TTI1: variants seen among roughly 807,000 people sequenced by gnomAD.
TTI1 encodes TELO2 interacting protein 1, also known as TELO2-interacting protein 1 homolog.
A neutral mutation model predicts 85.4 loss-of-function variants in TTI1; 52 were observed. The ratio of observed to expected loss-of-function variants is 0.61; its 90% CI spans 0.49 to 0.77. The LOEUF (loss-of-function observed/expected upper bound fraction) is 0.77, where lower values mean the gene tolerates loss of function less well. TTI1 is among the 30% of genes least tolerant of loss of function. TTI1 has a pLI of 0.00. For synonymous variants in TTI1, 512 were observed against 503.9 expected, an observed-to-expected ratio of 1.02 and a Z score of -0.22; for missense variants, 1,173 against 1,296.0, an observed-to-expected ratio of 0.91 and a Z score of 1.46.
chr20:38,027,015 T>TC (rs2073845000), intron 1 of TTI1, among the ~76,000 whole-genome samples: 1 of 152,206 alleles, frequency 6.6e-6, no homozygotes, highest in African/African-American at 2.4e-5. Flanking sequence ...TACAAAGAGA[T>TC]ATACTCAGAA....
chr20:38,020,323 A>AAAAAATATATATATAT, intron 1 of TTI1, among the ~76,000 whole-genome samples: 38 of 50,364 alleles, frequency 7.5e-4, no homozygotes, highest in East Asian at 1.1e-3. Flanking sequence ...AAAAAAAAAA[A>AAAAAATATATATATAT]ATATATATAT....
intron 2 of TTI1, 91 bp from the exon 3 acceptor site, chr20:38,006,488 AC>A (rs2073502061): frequency 7.2e-7 from 1 of 1,394,754 alleles, no homozygotes; most frequent in South Asian, 1.2e-5. Context: ...CCTGGCCTGC[AC>A]AGCCCCCACA....
chr20:38,021,391 A>G (rs1271113901), intron 1 of TTI1, among the ~76,000 whole-genome samples: 1 of 152,204 alleles, frequency 6.6e-6, no homozygotes, highest in Non-Finnish European at 1.5e-5. Flanking sequence ...GAGCCTTAGG[A>G]ATCCTACATT....
At chr20:38,010,469 T>TTC (rs1419012406) in intron 2 of TTI1, among the ~76,000 whole-genome samples, 4 of 137,476 alleles carry the variant, frequency 2.9e-5, no homozygotes, top group Non-Finnish European at 4.7e-5. Flanking sequence ...TGCCATTCCT[T>TTC]TTTTTTTTTT....
At chr20:38,018,328 G>A (rs2073713837) in intron 1 of TTI1, among the ~76,000 whole-genome samples, 2 of 152,100 alleles carry the variant, frequency 1.3e-5, no homozygotes, top group South Asian at 4.1e-4. Context: ...GAGAACTACA[G>A]TATCTATAAT....
At chr20:38,019,299 T>C (rs1428315139) in intron 1 of TTI1, among the ~76,000 whole-genome samples, 1 of 151,166 alleles carries the variant, frequency 6.6e-6, no homozygotes, top group Non-Finnish European at 1.5e-5. Context: ...ATGAAGAAAA[T>C]GAAATAGGTA....
chr20:37,991,295 A>C (rs2073260715), intron 7 of TTI1, among the ~76,000 whole-genome samples: 3 of 152,248 alleles, frequency 2.0e-5, no homozygotes, highest in Admixed American at 6.5e-5. Flanking sequence ...CAAACTGCCC[A>C]CACCATTTAA....
chr20:38,005,870 A>C (rs747048160), intron 3 of TTI1: 143 of 307,822 alleles, frequency 4.6e-4, no homozygotes, highest in Middle Eastern at 1.1e-3. Context: ...TAGAGTTATT[A>C]TTAAGCCAGA....
At chr20:37,997,774 A>G (rs889348637) in intron 5 of TTI1, among the ~76,000 whole-genome samples, 5 of 152,100 alleles carry the variant, frequency 3.3e-5, no homozygotes, top group Non-Finnish European at 7.4e-5. Flanking sequence ...GTGTCTGCGC[A>G]TGGGGAAAGC....
At chr20:38,007,592 A>AAAC (rs754656029) in intron 2 of TTI1, among the ~76,000 whole-genome samples, 105 of 152,344 alleles carry the variant, frequency 6.9e-4, no homozygotes, top group African/African-American at 2.4e-3. Flanking sequence ...TTAAAGAATA[A>AAAC]AACAACAACA....
intron 4 of TTI1, among the ~76,000 whole-genome samples, chr20:37,999,824 A>G (rs1254398625): frequency 6.6e-6 from 1 of 152,208 alleles, no homozygotes; most frequent in Non-Finnish European, 1.5e-5. Flanking sequence ...CATTACAGAG[A>G]AGAGGTAAAA....
At chr20:38,022,918 T>C (rs564181724) in intron 1 of TTI1, among the ~76,000 whole-genome samples, 11 of 152,174 alleles carry the variant, frequency 7.2e-5, no homozygotes, top group Non-Finnish European at 1.5e-4. Context: ...GTGATTTCCA[T>C]GAATTTTATC....
Position 38,013,400 on chromosome 20 carries a change from A to C in TTI1, c.417T>G (p.Ile139Met). 2.5e-6 allele frequency: 4 copies of C among 1,614,090 alleles called. No homozygotes were observed. The highest frequency in any genetic ancestry group is 3.4e-6 in the Non-Finnish European group (4 of 1,180,036). Reference protein sequence around the residue: ...TLMHSAYGDIILTFYEPSILP... With the variant: ...TLMHSAYGDIMLTFYEPSILP... Reference sequence around the variant, plus strand: ...GAATGGAGGGCTCATAAAAAGTCAGAATGATGTCCCCATAAGCTGAGTGCA... The same window carrying C: ...GAATGGAGGGCTCATAAAAAGTCAGCATGATGTCCCCATAAGCTGAGTGCA... The change falls in exon 2 of 8, where the codon ATT becomes ATG. Residue 139 changes from isoleucine to methionine, a missense_variant. By Grantham distance (10) the Ile-to-Met change is conservative. Transcript: ENST00000373447.
chr20:38,005,486 TGGG>T (rs2073482980), intron 3 of TTI1, among the ~76,000 whole-genome samples: 1 of 151,444 alleles, frequency 6.6e-6, no homozygotes, highest in Admixed American at 6.6e-5. Flanking sequence ...AAATAGACAA[TGGG>T]AATAAGGAAA....
intron 1 of TTI1, among the ~76,000 whole-genome samples, chr20:38,031,150 T>C (rs1193871119): frequency 6.6e-6 from 1 of 152,244 alleles, no homozygotes; most frequent in African/African-American, 2.4e-5. Flanking sequence ...TGGTCCTTCC[T>C]GCTTCTACCT....
chr20:38,002,914 G>A (rs557369258), intron 3 of TTI1, 138 bp from the exon 4 acceptor site: 1 of 1,178,488 alleles, frequency 8.5e-7, no homozygotes, highest in East Asian at 2.4e-5. Context: ...CTCCACTCAA[G>A]GGGGAATAGG....
At chr20:38,015,230 G>A (rs1019751204) in intron 1 of TTI1, among the ~76,000 whole-genome samples, 3 of 152,126 alleles carry the variant, frequency 2.0e-5, no homozygotes, top group East Asian at 1.9e-4. Context: ...ACTCTGATAC[G>A]CTGGAGAGTC....
At chr20:38,005,865 T>C (rs542985139) in intron 3 of TTI1, 4 of 298,864 alleles carry the variant, frequency 1.3e-5, no homozygotes, top group Non-Finnish European at 2.6e-5. Context: ...TTTATTAGAG[T>C]TATTATTAAG....
intron 7 of TTI1, among the ~76,000 whole-genome samples, chr20:37,989,965 C>T (rs559642355): frequency 1.3e-5 from 2 of 152,318 alleles, no homozygotes; most frequent in African/African-American, 2.4e-5. Flanking sequence ...TTTCCTCAAG[C>T]GTCAGTAATA....
Sources: gnomAD v4.1 joint callset for allele counts (sites outside exome capture counted in the v4.1 genomes callset) on GRCh38, gnomAD v4.1.1 for gene constraint, MANE v1.5 for transcripts, NCBI Gene and HGNC (gene_info 2026-07-23, HGNC 2026-07-21) for gene names.